Variants in UVRAG observed in about 807,000 individuals in gnomAD.
UVRAG encodes the protein UV radiation resistance associated, also known as UV radiation resistance-associated gene protein.
Under a neutral mutation model 78.0 loss-of-function variants are expected in UVRAG, and 19 were observed. The ratio of observed to expected loss-of-function variants is 0.24; its 90% CI spans 0.17 to 0.36. UVRAG has a LOEUF of 0.36. UVRAG is among the 10% of genes least tolerant of loss of function. UVRAG has a pLI of 1.00. For missense variants in UVRAG, 740 were observed against 853.8 expected, an observed-to-expected ratio of 0.87 and a Z score of 1.66; for synonymous variants, 323 against 324.6, an observed-to-expected ratio of 1.00 and a Z score of 0.05.
At chr11:75,972,637 C>T (rs180753074) in intron 7 of UVRAG, among the ~76,000 whole-genome samples, 30 of 152,302 alleles carry the variant, frequency 2.0e-4, no homozygotes, top group African/African-American at 7.0e-4. Flanking sequence ...TTTACCCATA[C>T]CACCCTGTCT....
In UVRAG at chr11:76,094,470, T is replaced by C. The variant is rs1001781170; in HGVS notation, c.1306-21454T>C. Among the ~76,000 whole-genome samples, 15 of 152,346 alleles carry C rather than the reference T, an allele frequency of 9.8e-5. No individual in the cohort carries two copies. The Middle Eastern group carries it at 0.01, about 104-fold the overall frequency. ...CCTTGTACCTCCGGTAGAATTTGGC[T>C]GTGAATCCGTCTGGTCCTGGACTTT... On this transcript the variant is annotated intron_variant, in intron 13 of 14. Transcript: ENST00000356136.
At chr11:76,073,948 G>C (rs1285086373) in intron 13 of UVRAG, among the ~76,000 whole-genome samples, 1 of 152,100 alleles carries the variant, frequency 6.6e-6, no homozygotes, top group African/African-American at 2.4e-5. Context: ...ACTCCAGCTG[G>C]CTTCTATTAA....
rs12800484 is a variant in UVRAG at position 75,880,929 on chromosome 11, T to A, written c.432+889T>A. Among the ~76,000 whole-genome samples, 3 of 75,772 alleles carry A rather than the reference T, an allele frequency of 4.0e-5. No homozygotes were observed. In the East Asian group the frequency reaches 1.3e-3, roughly 32 times the overall value. The allele number at this position is 75,772 out of a possible 152,430, so 49.7% of individuals were successfully genotyped here. A position where few individuals can be genotyped will look rare whatever the true frequency, so the allele number is the denominator to read the frequency against. ...TTTCTTCCTTTCTTTTATTTACTTC[T>A]TTTTTTTTTTTTTTTTTTTTTTTTT... On this transcript the variant is annotated intron_variant, in intron 4 of 14. Coordinates refer to ENST00000356136, the MANE Select transcript of UVRAG (RefSeq NM_003369.4).
chr11:76,094,964 G>C (rs1951763795), intron 13 of UVRAG, among the ~76,000 whole-genome samples: 1 of 152,100 alleles, frequency 6.6e-6, no homozygotes, highest in Non-Finnish European at 1.5e-5. Flanking sequence ...TAAAGTACAA[G>C]CCGATTGCTT....
At chr11:76,091,375 G>T (rs768013357) in intron 13 of UVRAG, among the ~76,000 whole-genome samples, 1 of 152,000 alleles carries the variant, frequency 6.6e-6, no homozygotes, top group Non-Finnish European at 1.5e-5. Flanking sequence ...TGTTGTGCTC[G>T]GCACTCAATG....
chr11:75,886,472 G>A (rs1947081808), intron 4 of UVRAG, among the ~76,000 whole-genome samples: 1 of 152,112 alleles, frequency 6.6e-6, no homozygotes. Flanking sequence ...AGGTATATAT[G>A]TGTAAAAATG....
intron 1 of UVRAG, among the ~76,000 whole-genome samples, chr11:75,839,235 T>C (rs1410510374): frequency 1.3e-5 from 2 of 152,090 alleles, no homozygotes; most frequent in African/African-American, 4.8e-5. Flanking sequence ...AAATTGTCTT[T>C]TTTATATTAA....
intron 6 of UVRAG, among the ~76,000 whole-genome samples, chr11:75,945,536 T>C (rs754692269): frequency 6.6e-6 from 1 of 152,132 alleles, no homozygotes; most frequent in Non-Finnish European, 1.5e-5. Flanking sequence ...CAAAATGAAT[T>C]TGTGGGTCTG....
At chr11:76,134,875 A>T (rs1042901246) in intron 14 of UVRAG, among the ~76,000 whole-genome samples, 18 of 152,308 alleles carry the variant, frequency 1.2e-4, no homozygotes, top group Admixed American at 1.1e-3. Flanking sequence ...CCCGGGCCAC[A>T]GACTTTTACC....
chr11:76,024,002 A>AC (rs1950288224), intron 12 of UVRAG, among the ~76,000 whole-genome samples: 1 of 152,164 alleles, frequency 6.6e-6, no homozygotes, highest in Non-Finnish European at 1.5e-5. Context: ...GAATACCATG[A>AC]CCAGATATAT....
In UVRAG at chr11:75,836,081, C is replaced by T. The variant is rs529847550; in HGVS notation, c.118-15802C>T. On this transcript the variant is annotated intron_variant, in intron 1 of 14. Coordinates refer to ENST00000356136, the MANE Select transcript of UVRAG (RefSeq NM_003369.4). Reference sequence around the variant, plus strand: ...ATGCCACTGCACTCCAGCCTGGAGACAGTGAGACTCTGTCTTAAAAAAAAA... The same window carrying T: ...ATGCCACTGCACTCCAGCCTGGAGATAGTGAGACTCTGTCTTAAAAAAAAA... 4.0e-5 allele frequency among the ~76,000 whole-genome samples: 6 copies of T among 151,522 alleles called. No homozygotes were observed. The South Asian group carries it at 1.2e-3, about 32-fold the overall frequency.
intron 5 of UVRAG, chr11:75,911,177 T>G: frequency 6.4e-6 from 1 of 155,368 alleles, no homozygotes; most frequent in East Asian, 1.9e-4. Context: ...GCAGCCTTGA[T>G]TCCAGGATAC....
intron 6 of UVRAG, among the ~76,000 whole-genome samples, chr11:75,941,002 C>G (rs551470042): frequency 7.2e-4 from 109 of 152,170 alleles, no homozygotes; most frequent in African/African-American, 2.6e-3. Context: ...ACTAAATTAT[C>G]TGTCATTCTG....
chr11:75,818,018 C>T (rs1945298184), intron 1 of UVRAG, among the ~76,000 whole-genome samples: 1 of 151,996 alleles, frequency 6.6e-6, no homozygotes, highest in African/African-American at 2.4e-5. Context: ...CGAGATTGCG[C>T]CACTGCACTC....
intron 6 of UVRAG, among the ~76,000 whole-genome samples, chr11:75,914,965 TGG>T (rs1947818782): frequency 2.0e-5 from 3 of 151,194 alleles, no homozygotes; most frequent in Admixed American, 2.0e-4. Context: ...TCCTTCATGC[TGG>T]GTGTGGTGGC....
chr11:75,884,212 GTC>G (rs138821865), intron 4 of UVRAG, among the ~76,000 whole-genome samples: 259 of 143,398 alleles, frequency 1.8e-3, no homozygotes, highest in Middle Eastern at 3.6e-3. Flanking sequence ...TTTGAGATCA[GTC>G]TCTCTCTCTC....
chr11:75,977,243 A>G (rs1335122312), intron 7 of UVRAG, among the ~76,000 whole-genome samples: 1 of 152,168 alleles, frequency 6.6e-6, no homozygotes, highest in Non-Finnish European at 1.5e-5. Flanking sequence ...ACAGTTTGTT[A>G]TAATTTCTGT....
intron 3 of UVRAG, among the ~76,000 whole-genome samples, chr11:75,872,726 T>C (rs1590957369): frequency 6.6e-6 from 1 of 152,208 alleles, no homozygotes; most frequent in South Asian, 2.1e-4. Context: ...ATATTGACTT[T>C]GTCTTCCTGT....
chr11:75,941,295 C>T (rs555562787), intron 6 of UVRAG, among the ~76,000 whole-genome samples: 1 of 152,204 alleles, frequency 6.6e-6, no homozygotes, highest in East Asian at 1.9e-4. Flanking sequence ...TCTACTTCTC[C>T]ATATCTTTAT....
Sources: gnomAD v4.1 joint callset for allele counts (sites outside exome capture counted in the v4.1 genomes callset) on GRCh38, gnomAD v4.1.1 for gene constraint, MANE v1.5 for transcripts, NCBI Gene and HGNC (gene_info 2026-07-23, HGNC 2026-07-21) for gene names.